MAGI1: variants seen among roughly 807,000 people sequenced by gnomAD.
MAGI1 encodes the protein membrane associated guanylate kinase, WW and PDZ domain containing 1, also known as membrane-associated guanylate kinase, WW and PDZ domain-containing protein 1.
A neutral mutation model predicts 139.9 loss-of-function variants in MAGI1; 58 were observed. The ratio of observed to expected loss-of-function variants is 0.41; its 90% CI spans 0.34 to 0.52. The LOEUF is 0.52. Among genes scored for constraint, MAGI1 ranks in the 20% least tolerant of loss-of-function variants. MAGI1 has a pLI of 0.12. For synonymous variants in MAGI1, 812 were observed against 737.9 expected (o/e 1.10, Z -1.63); for missense variants, 1,874 against 1,901.6 (o/e 0.99, Z 0.27).
chr3:65,771,881 TGACTATTTTAAAA>T (rs1450688772), intron 1 of MAGI1, among the ~76,000 whole-genome samples: 2 of 152,180 alleles, frequency 1.3e-5, no homozygotes, highest in Non-Finnish European at 2.9e-5. Flanking sequence ...ATTTATGGTT[TGACTATTTTAAAA>T]GAATACTGTG....
chr3:65,892,593 T>A, intron 1 of MAGI1, among the ~76,000 whole-genome samples: 1 of 152,196 alleles, frequency 6.6e-6, no homozygotes, highest in East Asian at 1.9e-4. Context: ...AGTATAATTA[T>A]AACAGCAGCT....
chr3:65,724,067 G>C (rs1365849668), intron 1 of MAGI1, among the ~76,000 whole-genome samples: 1 of 152,310 alleles, frequency 6.6e-6, no homozygotes, highest in Non-Finnish European at 1.5e-5. Flanking sequence ...TGCCTGAACA[G>C]ACAGGTTTAA....
chr3:65,526,219 T>G (rs2078372253), intron 2 of MAGI1, among the ~76,000 whole-genome samples: 1 of 152,192 alleles, frequency 6.6e-6, no homozygotes, highest in Non-Finnish European at 1.5e-5. Flanking sequence ...GATGTTCAGT[T>G]CACTGTGAAG....
At chr3:65,844,835 A>G (rs942270634) in intron 1 of MAGI1, among the ~76,000 whole-genome samples, 8 of 152,186 alleles carry the variant, frequency 5.3e-5, no homozygotes, top group Admixed American at 5.2e-4. Flanking sequence ...ATCACCCACT[A>G]AAGGACACCC....
intron 2 of MAGI1, among the ~76,000 whole-genome samples, chr3:65,497,092 G>A (rs911789603): frequency 2.0e-5 from 3 of 152,122 alleles, no homozygotes; most frequent in African/African-American, 7.2e-5. Flanking sequence ...CGAGCAGAGA[G>A]TTGGAGCACA....
At chr3:65,901,431 G>A (rs2061230006) in intron 1 of MAGI1, among the ~76,000 whole-genome samples, 1 of 152,222 alleles carries the variant, frequency 6.6e-6, no homozygotes, top group Non-Finnish European at 1.5e-5. Flanking sequence ...TAGTATCTGT[G>A]AATACCACAT....
chr3:65,375,222 T>G (rs1942392655), intron 18 of MAGI1, among the ~76,000 whole-genome samples: 1 of 147,882 alleles, frequency 6.8e-6, no homozygotes, highest in African/African-American at 2.5e-5. Flanking sequence ...GGAGTCTCAC[T>G]CTGTCGCCCA....
chr3:65,868,993 C>T (rs925409573), intron 1 of MAGI1, among the ~76,000 whole-genome samples: 3 of 151,986 alleles, frequency 2.0e-5, no homozygotes, highest in Admixed American at 6.5e-5. Flanking sequence ...TACTGCCGGG[C>T]GCGGTGGCTC....
chr3:65,549,163 A>C (rs574310639), intron 2 of MAGI1, among the ~76,000 whole-genome samples: 1 of 151,960 alleles, frequency 6.6e-6, no homozygotes, highest in East Asian at 2.0e-4. Flanking sequence ...CGGGCGCGGG[A>C]GGGACGCGAC....
At chr3:65,609,765 T>TG (rs757580555) in intron 2 of MAGI1, 3 of 344,436 alleles carry the variant, frequency 8.7e-6, no homozygotes, top group Non-Finnish European at 1.8e-5. Context: ...TTTGTAGAGA[T>TG]GGGGTCTCCC....
chr3:65,629,134 G>C (rs1319596747), intron 1 of MAGI1, among the ~76,000 whole-genome samples: 2 of 152,050 alleles, frequency 1.3e-5, no homozygotes, highest in African/African-American at 4.8e-5. Context: ...GGATGATGAG[G>C]GGACCCTGCT....
At chr3:65,919,593 A>G (rs1453291437) in intron 1 of MAGI1, among the ~76,000 whole-genome samples, 1 of 150,594 alleles carries the variant, frequency 6.6e-6, no homozygotes, top group Admixed American at 6.6e-5. Context: ...ACAAACAAAC[A>G]AAAAAGAAAC....
rs560545331 is a variant in MAGI1, at chr3:65,935,910, T to C, written c.313+102086A>G. On this transcript the variant is annotated intron_variant, in intron 1 of 22. Coordinates refer to ENST00000402939, the MANE Select transcript of MAGI1 (RefSeq NM_001033057.2). Reference sequence around the variant, plus strand: ...CCAGAGACATGTGAAGGAAGTCACATCAGAACTTCCAGCTCAACCACCACC... The same window carrying C: ...CCAGAGACATGTGAAGGAAGTCACACCAGAACTTCCAGCTCAACCACCACC... Among the ~76,000 whole-genome samples, 10 of 152,306 alleles carry C rather than the reference T, an allele frequency of 6.6e-5. No individual in the cohort carries two copies. In the East Asian group the frequency reaches 1.9e-3, roughly 29 times the overall value.
At chr3:65,935,738 C>T (rs1052621528) in intron 1 of MAGI1, among the ~76,000 whole-genome samples, 2 of 152,232 alleles carry the variant, frequency 1.3e-5, no homozygotes, top group African/African-American at 4.8e-5. Flanking sequence ...AAGAAAGGGC[C>T]TCAAGGGGCC....
At chr3:65,681,483 A>G (rs1435269000) in intron 1 of MAGI1, among the ~76,000 whole-genome samples, 1 of 152,234 alleles carries the variant, frequency 6.6e-6, no homozygotes, top group Non-Finnish European at 1.5e-5. Flanking sequence ...TTAAGAAAAA[A>G]GCACTTCATA....
intron 1 of MAGI1, among the ~76,000 whole-genome samples, chr3:65,751,928 T>C (rs942693128): frequency 6.6e-6 from 1 of 152,184 alleles, no homozygotes; most frequent in African/African-American, 2.4e-5. Context: ...TCCTTAAAGA[T>C]ATCGTCTGAT....
intron 2 of MAGI1, among the ~76,000 whole-genome samples, chr3:65,515,578 A>T (rs2077828061): frequency 6.6e-6 from 1 of 152,220 alleles, no homozygotes; most frequent in Non-Finnish European, 1.5e-5. Context: ...TCAGATATAA[A>T]AAGTTAATGC....
intron 1 of MAGI1, among the ~76,000 whole-genome samples, chr3:66,032,460 T>C (rs2068669110): frequency 6.7e-6 from 1 of 148,354 alleles, no homozygotes; most frequent in African/African-American, 2.5e-5. Flanking sequence ...GACCTTGTGA[T>C]CCACCCACCT....
intron 1 of MAGI1, chr3:65,873,872 T>C (rs1472670661): frequency 2.6e-5 from 4 of 151,772 alleles, no homozygotes; most frequent in African/African-American, 9.7e-5. Flanking sequence ...TCTTAGAAGA[T>C]ATAAAAGTAA....
Sources: gnomAD v4.1 joint callset for allele counts (sites outside exome capture counted in the v4.1 genomes callset) on GRCh38, gnomAD v4.1.1 for gene constraint, MANE v1.5 for transcripts, NCBI Gene and HGNC (gene_info 2026-07-23, HGNC 2026-07-21) for gene names.